The following NAV3 variants were observed in gnomAD, a reference collection of about 807,000 sequenced individuals.
NAV3 encodes the protein pore membrane and/or filament interacting like protein 1.
In NAV3, 87 loss-of-function variants were observed where a neutral mutation model predicts 244.7. That is an observed-to-expected ratio of 0.36 (90% CI 0.30 to 0.42). The LOEUF (loss-of-function observed/expected upper bound fraction) is 0.42, where lower values mean the gene tolerates loss of function less well. Ranked by LOEUF, NAV3 falls within the 20% of genes least tolerant of loss-of-function variation. The probability of loss-of-function intolerance (pLI) is 1.00; values close to 1 mark genes in which losing one functional copy is unlikely to be tolerated. For missense variants in NAV3, 2,663 were observed against 2,893.3 expected (o/e 0.92, Z 1.83); for synonymous variants, 1,126 against 1,042.2 (o/e 1.08, Z -1.55).
At chr12:77,620,092 G>T (rs922252220) in intron 2 of NAV3, among the ~76,000 whole-genome samples, 1 of 152,082 alleles carries the variant, frequency 6.6e-6, no homozygotes, top group East Asian at 1.9e-4. Flanking sequence ...ATAAAAATAA[G>T]TATAATTTTT....
intron 2 of NAV3, among the ~76,000 whole-genome samples, chr12:77,721,386 A>G (rs1247745725): frequency 6.6e-6 from 1 of 152,084 alleles, no homozygotes; most frequent in Non-Finnish European, 1.5e-5. Context: ...GCAAAAAAAA[A>G]GCGTATTGAA....
chr12:77,880,994 C>A (rs1409630888), intron 1 of NAV3, among the ~76,000 whole-genome samples: 1 of 152,120 alleles, frequency 6.6e-6, no homozygotes, highest in Non-Finnish European at 1.5e-5. Flanking sequence ...GCTATTGCTA[C>A]ATTGCCCAGG....
At position 77,769,004 on chromosome 12, in the gene NAV3, A is replaced by G. The variant is rs1869934466; in HGVS notation, c.73-171315A>G. On this transcript the variant is annotated intron_variant, in intron 2 of 8. Transcript: ENST00000550042. ...AGTGAATCTTTACAGTGAGTCATAC[A>G]TTAATCCTTTACATGAATTGATATA... is the stretch of plus-strand genomic sequence containing the variant. 1.3e-5 allele frequency among the ~76,000 whole-genome samples: 2 copies of G among 152,250 alleles called. 1 individual carries two copies. The highest frequency in any genetic ancestry group is 4.1e-4 in the South Asian group (2 of 4,834).
At position 78,012,203 on chromosome 12, in the gene NAV3, C is replaced by A. The variant is rs1343360522; in HGVS notation, c.1907+4758C>A. On this transcript the variant is annotated intron_variant, in intron 8 of 39. Transcript: ENST00000397909. ...CAAATTTTCAGCTAGTCTTCCTAAC[C>A]CTTCTTCTGAAACATACCCTCAATC... Among the ~76,000 whole-genome samples, 3 of 152,208 alleles carry A rather than the reference C, an allele frequency of 2.0e-5. No individual in the cohort carries two copies. The East Asian group carries it at 5.8e-4, about 29-fold the overall frequency.
At chr12:77,731,936 G>T (rs1025141004) in intron 2 of NAV3, among the ~76,000 whole-genome samples, 1 of 151,890 alleles carries the variant, frequency 6.6e-6, no homozygotes, top group South Asian at 2.1e-4. Flanking sequence ...ACTACATTTA[G>T]CATTGAGGGG....
chr12:77,644,449 G>A (rs1360806553), intron 2 of NAV3, among the ~76,000 whole-genome samples: 1 of 151,984 alleles, frequency 6.6e-6, no homozygotes, highest in African/African-American at 2.4e-5. Context: ...CAGAAGGAGT[G>A]CACAGAATTA....
chr12:77,586,510 A>G (rs1482368928), intron 2 of NAV3, among the ~76,000 whole-genome samples: 3 of 152,314 alleles, frequency 2.0e-5, no homozygotes, highest in South Asian at 2.1e-4. Context: ...ATTCAATTCT[A>G]ATAGAATGTT....
intron 12 of NAV3, among the ~76,000 whole-genome samples, chr12:78,105,177 T>G (rs1411054076): frequency 6.6e-6 from 1 of 152,138 alleles, no homozygotes; most frequent in Non-Finnish European, 1.5e-5. Flanking sequence ...ACATAAAATA[T>G]TCTTTGCTAA....
At chr12:77,706,024 TA>T (rs1422503406) in intron 2 of NAV3, among the ~76,000 whole-genome samples, 1 of 151,464 alleles carries the variant, frequency 6.6e-6, no homozygotes, top group Admixed American at 6.6e-5. Context: ...GGTGATCATA[TA>T]GTCCATGATA....
intron 1 of NAV3, among the ~76,000 whole-genome samples, chr12:77,915,767 A>G (rs1887080419): frequency 6.6e-6 from 1 of 151,914 alleles, no homozygotes; most frequent in South Asian, 2.1e-4. Context: ...AAGGTCTTTG[A>G]TATGTGTATT....
At chr12:78,121,316 T>A (rs1955657198) in intron 15 of NAV3, among the ~76,000 whole-genome samples, 1 of 152,218 alleles carries the variant, frequency 6.6e-6, no homozygotes, top group Admixed American at 6.5e-5. Flanking sequence ...TGTATTTGAA[T>A]AGCACTGGCA....
chr12:78,098,969 T>TA (rs1374952529), intron 12 of NAV3, among the ~76,000 whole-genome samples: 5 of 150,986 alleles, frequency 3.3e-5, no homozygotes, highest in Non-Finnish European at 5.9e-5. Context: ...TTTTTTTTTT[T>TA]ATAATATTGG....
At chr12:77,966,442 A>G in intron 4 of NAV3, 141 bp downstream of exon 4, 2 of 663,728 alleles carry the variant, frequency 3.0e-6, no homozygotes, top group Non-Finnish European at 5.1e-6. Flanking sequence ...GACAACCGAA[A>G]CATAAACATA....
At chr12:77,776,396 T>A (rs989594585) in intron 2 of NAV3, among the ~76,000 whole-genome samples, 8 of 152,342 alleles carry the variant, frequency 5.3e-5, no homozygotes, top group African/African-American at 1.4e-4. Context: ...CACAGACCAA[T>A]TGAGAACGTA....
At chr12:78,196,790 A>G (rs1394014759) in intron 34 of NAV3, among the ~76,000 whole-genome samples, 2 of 151,962 alleles carry the variant, frequency 1.3e-5, no homozygotes, top group African/African-American at 2.4e-5. Context: ...TAAAAATATT[A>G]GTGGAACCTG....
intron 11 of NAV3, among the ~76,000 whole-genome samples, chr12:78,052,557 T>C (rs1339439111): frequency 6.6e-6 from 1 of 152,264 alleles, no homozygotes; most frequent in Non-Finnish European, 1.5e-5. Flanking sequence ...CTTGGCATGA[T>C]ACAAGCACTC....
At chr12:77,657,193 AATAG>A (rs60513561) in intron 2 of NAV3, among the ~76,000 whole-genome samples, 23,502 of 151,938 alleles carry the variant, frequency 0.15, 2,733 homozygotes, top group African/African-American at 0.33. Flanking sequence ...GGATCAACAA[AATAG>A]ATAGACCACT....
intron 37 of NAV3, among the ~76,000 whole-genome samples, chr12:78,200,185 C>A (rs183407150): frequency 6.6e-6 from 1 of 152,108 alleles, no homozygotes; most frequent in East Asian, 1.9e-4. Context: ...TTCATTTCAG[C>A]ACAGCTTTAT....
At chr12:78,070,145 C>T (rs1952683291) in intron 12 of NAV3, among the ~76,000 whole-genome samples, 1 of 152,108 alleles carries the variant, frequency 6.6e-6, no homozygotes, top group Middle Eastern at 3.2e-3. Context: ...ATCTACCTGA[C>T]TGTTCAAATA....
Sources: gnomAD v4.1 joint callset for allele counts (sites outside exome capture counted in the v4.1 genomes callset) on GRCh38, gnomAD v4.1.1 for gene constraint, MANE v1.5 for transcripts, NCBI Gene and HGNC (gene_info 2026-07-23, HGNC 2026-07-21) for gene names.